The following PAK4 variants were observed in gnomAD, a reference collection of about 807,000 sequenced individuals.
PAK4 encodes the protein serine/threonine-protein kinase PAK 4.
In PAK4, 49 loss-of-function variants were observed where a neutral mutation model predicts 53.5. The ratio of observed to expected loss-of-function variants is 0.92; its 90% CI spans 0.73 to 1.16. The LOEUF (loss-of-function observed/expected upper bound fraction) is 1.16. Among genes scored for constraint, PAK4 ranks in the 50% most tolerant of loss-of-function variants. The pLI is 0.00. For synonymous variants in PAK4, 376 were observed against 375.6 expected (o/e 1.00, Z -0.01); for missense variants, 824 against 850.7 (o/e 0.97, Z 0.39).
chr19:39,145,189 C>A (rs2073979499), intron 1 of PAK4, among the ~76,000 whole-genome samples: 1 of 152,206 alleles, frequency 6.6e-6, no homozygotes, highest in Non-Finnish European at 1.5e-5. Flanking sequence ...CTCAGGCCCG[C>A]TGCCCAGCTA....
chr19:39,134,039 C>G (rs915589320), intron 1 of PAK4, among the ~76,000 whole-genome samples: 1 of 152,298 alleles, frequency 6.6e-6, no homozygotes, highest in African/African-American at 2.4e-5. Context: ...GGCCCCTGTC[C>G]TTCTCTCCCG....
exon 7 of PAK4, chr19:39,176,656 G>C (rs1384193191): frequency 6.2e-7 from 1 of 1,613,570 alleles, no homozygotes. Flanking sequence ...GAAGTCGCTG[G>C]TCGGCACGCC....
chr19:39,147,249 A>G (rs2074016256), intron 1 of PAK4, among the ~76,000 whole-genome samples: 1 of 152,154 alleles, frequency 6.6e-6, no homozygotes, highest in African/African-American at 2.4e-5. Flanking sequence ...AATGTTATGT[A>G]AATGGAGCCA....
intron 1 of PAK4, among the ~76,000 whole-genome samples, chr19:39,144,711 A>G (rs1270642690): frequency 6.6e-6 from 1 of 152,172 alleles, no homozygotes; most frequent in Non-Finnish European, 1.5e-5. Flanking sequence ...CAGGAGTTAC[A>G]AGGGGCCAGA....
At chr19:39,170,503 C>T (rs750841902) in intron 2 of PAK4, among the ~76,000 whole-genome samples, 3 of 152,192 alleles carry the variant, frequency 2.0e-5, no homozygotes, top group Non-Finnish European at 2.9e-5. Flanking sequence ...CTGGGTGTGG[C>T]CTGGCATGAG....
intron 1 of PAK4, among the ~76,000 whole-genome samples, chr19:39,135,617 G>GA (rs1443634461): frequency 6.6e-6 from 1 of 152,092 alleles, no homozygotes; most frequent in African/African-American, 2.4e-5. Context: ...TTACAGACGT[G>GA]AGCCACTGCG....
At chr19:39,169,937 CTCCAAG>C in intron 2 of PAK4, among the ~76,000 whole-genome samples, 180 bp downstream of exon 3, 1 of 151,250 alleles carries the variant, frequency 6.6e-6, no homozygotes, top group Middle Eastern at 3.4e-3. Context: ...CACCCACTGG[CTCCAAG>C]TCCTAAGAAC....
intron 1 of PAK4, among the ~76,000 whole-genome samples, chr19:39,144,221 C>A (rs2073963931): frequency 6.6e-6 from 1 of 152,064 alleles, no homozygotes. Context: ...GACTTTGGTC[C>A]TGGTCAGACT....
At chr19:39,146,705 A>G (rs569592873) in intron 1 of PAK4, among the ~76,000 whole-genome samples, 2 of 152,124 alleles carry the variant, frequency 1.3e-5, no homozygotes, top group East Asian at 3.9e-4. Flanking sequence ...TCTGGCTGTG[A>G]TGCTGTGCAC....
chr19:39,174,980 A>G (rs750866405), exon 5 of PAK4: 7 of 1,613,802 alleles, frequency 4.3e-6, no homozygotes, highest in Non-Finnish European at 5.9e-6. Flanking sequence ...GAGATGTACA[A>G]CAGCTACCTG....
chr19:39,169,930 C>G (rs1053758875), intron 2 of PAK4, among the ~76,000 whole-genome samples, 173 bp downstream of exon 3: 1 of 151,770 alleles, frequency 6.6e-6, no homozygotes, highest in Non-Finnish European at 1.5e-5. Context: ...CACCCTCCAC[C>G]CACTGGCTCC....
intron 1 of PAK4, among the ~76,000 whole-genome samples, chr19:39,126,713 C>A (rs951346814): frequency 6.6e-6 from 1 of 152,128 alleles, no homozygotes; most frequent in East Asian, 1.9e-4. Context: ...CAGAGCCCTG[C>A]TCTGGCCGAC....
chr19:39,174,999 C>T (rs368459616), exon 5 of PAK4: 28 of 1,613,856 alleles, frequency 1.7e-5, no homozygotes, highest in African/African-American at 6.7e-5. Context: ...TGGTGGGGGA[C>T]GAGCTCTGGG....
intron 1 of PAK4, among the ~76,000 whole-genome samples, chr19:39,135,713 C>G (rs371255512): frequency 6.6e-6 from 1 of 151,992 alleles, no homozygotes; most frequent in African/African-American, 2.4e-5. Flanking sequence ...CAGCCCTCCC[C>G]GAGCTCAGTC....
At chr19:39,143,473 A>G (rs2073943980) in intron 1 of PAK4, among the ~76,000 whole-genome samples, 1 of 151,320 alleles carries the variant, frequency 6.6e-6, no homozygotes, top group Admixed American at 6.6e-5. Flanking sequence ...GGTGCCTGTA[A>G]TCCCAGCTAC....
In PAK4 at chr19:39,178,627, G is replaced by A. The variant is rs778470823; in HGVS notation, c.*48G>A. 12 of 1,509,038 alleles carry A rather than the reference G, an allele frequency of 8.0e-6. No individual in the cohort carries two copies. The highest frequency in any genetic ancestry group is 7.0e-5 in the African/African-American group (5 of 71,904). 93.5% of individuals were successfully genotyped at this position (1,509,038 alleles called of 1,614,324 possible). Reference sequence around the variant, plus strand: ...CCAAAGAGCCCCCCGGGTCACCCCCGCCCCACTGAGGCCAGTAGGGGGCCA... The same window carrying A: ...CCAAAGAGCCCCCCGGGTCACCCCCACCCCACTGAGGCCAGTAGGGGGCCA... On this transcript the variant is annotated 3_prime_UTR_variant, in exon 9 of 9. Transcript: ENST00000358301. This position sits in a 1 kb window ranked among gnomAD's most constrained non-coding sequence, Gnocchi z 4.4.
At chr19:39,171,611 G>A (rs2074481100) in intron 2 of PAK4, among the ~76,000 whole-genome samples, 1 of 152,264 alleles carries the variant, frequency 6.6e-6, no homozygotes, top group African/African-American at 2.4e-5. Context: ...GAGAGACAGG[G>A]CAGCGGCAGA....
At chr19:39,152,365 G>A (rs1337751914) in intron 1 of PAK4, 2 of 152,134 alleles carry the variant, frequency 1.3e-5, no homozygotes, top group East Asian at 3.8e-4. Flanking sequence ...CACATCCACT[G>A]TTGCCGTATC....
chr19:39,172,765 C>CA (rs2074507213), intron 2 of PAK4, among the ~76,000 whole-genome samples, 153 bp from the exon 4 acceptor site: 3 of 152,106 alleles, frequency 2.0e-5, no homozygotes. Flanking sequence ...AGGGGCTGCA[C>CA]TGCCCATGCC....
Sources: allele counts gnomAD v4.1 joint callset (sites outside exome capture counted in the v4.1 genomes callset), GRCh38; gene constraint gnomAD v4.1.1; non-coding constraint Gnocchi (gnomAD v3.1); transcripts MANE v1.5; gene names NCBI Gene and HGNC (gene_info 2026-07-23, HGNC 2026-07-21).